TAFA4: variants seen among roughly 807,000 people sequenced by gnomAD.
The protein encoded by TAFA4 is TAFA chemokine like family member 4.
Under a neutral mutation model 21.1 loss-of-function variants are expected in TAFA4, and 20 were observed. The observed-to-expected ratio is 0.95, with a 90% CI of 0.67 to 1.38. The LOEUF (loss-of-function observed/expected upper bound fraction) is 1.38, where lower values mean the gene tolerates loss of function less well. Ranked by LOEUF, TAFA4 falls within the 40% of genes most tolerant of loss-of-function variation. TAFA4 has a pLI of 0.00. For missense variants in TAFA4, 211 were observed against 180.9 expected, an observed-to-expected ratio of 1.17 and a Z score of -0.95; for synonymous variants, 71 against 67.4, an observed-to-expected ratio of 1.05 and a Z score of -0.26.
At chr3:68,772,440 G>C (rs564726172) in intron 3 of TAFA4, among the ~76,000 whole-genome samples, 1 of 152,106 alleles carries the variant, frequency 6.6e-6, no homozygotes, top group Non-Finnish European at 1.5e-5. Context: ...TGGAGGCCCA[G>C]ATAGAACAAA....
intron 3 of TAFA4, among the ~76,000 whole-genome samples, chr3:68,787,921 A>G (rs1463360228): frequency 1.3e-5 from 2 of 152,202 alleles, no homozygotes; most frequent in African/African-American, 4.8e-5. Flanking sequence ...AAAATGTTTT[A>G]GTTGTTAGTA....
rs188079163 is a variant in TAFA4 at position 68,930,320 on chromosome 3, G to A, written c.-123+1920C>T. 1.3e-3 allele frequency among the ~76,000 whole-genome samples: 194 copies of A among 152,312 alleles called. 1 individual carries two copies. The highest frequency in any genetic ancestry group is 4.5e-3 in the African/African-American group (189 of 41,576). On this transcript the variant is annotated intron_variant, in intron 1 of 5. Coordinates refer to ENST00000295569, the MANE Select transcript of TAFA4 (RefSeq NM_182522.5). ...GAGATATTTGTAGGGGTTTTTGTATGTGCTAAGGGAACAAGTAATACAATT... is the reference window on the plus strand; with the variant it reads ...GAGATATTTGTAGGGGTTTTTGTATATGCTAAGGGAACAAGTAATACAATT...
chr3:68,921,270 G>C (rs142244265), intron 1 of TAFA4, among the ~76,000 whole-genome samples: 197 of 152,040 alleles, frequency 1.3e-3, no homozygotes, highest in African/African-American at 4.3e-3. Flanking sequence ...GCTCTGCTTG[G>C]TGGTTGCCAA....
At chr3:68,797,150 T>C (rs925484523) in intron 3 of TAFA4, among the ~76,000 whole-genome samples, 2 of 152,172 alleles carry the variant, frequency 1.3e-5, no homozygotes, top group Admixed American at 6.5e-5. Context: ...CTTCTGGATA[T>C]ATATCCAAAA....
chr3:68,733,302 A>G (rs1282312096), intron 5 of TAFA4, 149 bp from the exon 6 acceptor site: 2 of 1,038,918 alleles, frequency 1.9e-6, no homozygotes, highest in Non-Finnish European at 2.7e-6. Context: ...CAACAGTTCA[A>G]ATTCTGCTTT....
At chr3:68,881,268 G>T (rs1296020725) in intron 2 of TAFA4, among the ~76,000 whole-genome samples, 1 of 152,106 alleles carries the variant, frequency 6.6e-6, no homozygotes, top group Non-Finnish European at 1.5e-5. Context: ...CTTTCTCCTG[G>T]TTTCTCTGAC....
intron 3 of TAFA4, among the ~76,000 whole-genome samples, chr3:68,829,037 G>T (rs1291279190): frequency 6.6e-6 from 1 of 151,790 alleles, no homozygotes; most frequent in African/African-American, 2.4e-5. Flanking sequence ...TCACAGAATT[G>T]GAAAAAACTA....
intron 1 of TAFA4, among the ~76,000 whole-genome samples, chr3:68,903,883 G>A (rs1418126533): frequency 1.3e-5 from 2 of 152,070 alleles, no homozygotes; most frequent in South Asian, 2.1e-4. Context: ...CCTTTGATGC[G>A]CAATATCACA....
intron 3 of TAFA4, among the ~76,000 whole-genome samples, chr3:68,827,155 G>C (rs1352590178): frequency 2.0e-5 from 3 of 150,374 alleles, no homozygotes; most frequent in African/African-American, 7.3e-5. Flanking sequence ...CTGTCCTTGT[G>C]ATATTTTGCT....
At chr3:68,777,520 G>T (rs1159182282) in intron 3 of TAFA4, among the ~76,000 whole-genome samples, 1 of 152,026 alleles carries the variant, frequency 6.6e-6, no homozygotes, top group Non-Finnish European at 1.5e-5. Context: ...GCTACATAGG[G>T]ATAGTGCCTG....
chr3:68,834,223 G>A (rs1704468513), intron 3 of TAFA4, among the ~76,000 whole-genome samples: 2 of 152,120 alleles, frequency 1.3e-5, no homozygotes, highest in African/African-American at 4.8e-5. Context: ...TCTGTTCCAT[G>A]TAGTAAAGAA....
chr3:68,797,775 T>C lies in TAFA4; in HGVS notation c.131-44757A>G, dbSNP rs184826964. ...ATAAAGACAGAAAGTAGAACGGTGG[T>C]TGTCAGAGGCTGAGGGTGACGAATA... On this transcript the variant is annotated intron_variant, in intron 3 of 5. Transcript: ENST00000295569. Among the ~76,000 whole-genome samples the C allele has an allele frequency of 1.2e-4, 18 of 151,936 alleles. No homozygotes were observed. The East Asian group carries it at 3.1e-3, about 26-fold the overall frequency.
chr3:68,870,521 C>A (rs987918409), intron 3 of TAFA4, among the ~76,000 whole-genome samples: 4 of 152,096 alleles, frequency 2.6e-5, no homozygotes, highest in Non-Finnish European at 4.4e-5. Context: ...AGCAGTGGAA[C>A]AGAATACAGA....
At chr3:68,779,760 A>G (rs1260629651) in intron 3 of TAFA4, among the ~76,000 whole-genome samples, 2 of 152,224 alleles carry the variant, frequency 1.3e-5, no homozygotes, top group Non-Finnish European at 2.9e-5. Context: ...GCCCTCATGG[A>G]GAATCTCTGC....
chr3:68,809,030 A>G (rs150436995), intron 3 of TAFA4, among the ~76,000 whole-genome samples: 10 of 152,362 alleles, frequency 6.6e-5, no homozygotes, highest in Non-Finnish European at 1.3e-4. Flanking sequence ...AGCAACTCAC[A>G]TGATCAAACA....
At chr3:68,773,895 C>T (rs1052430523) in intron 3 of TAFA4, among the ~76,000 whole-genome samples, 5 of 152,234 alleles carry the variant, frequency 3.3e-5, no homozygotes, top group East Asian at 3.9e-4. Context: ...TTATAGCAAG[C>T]GTGAGACTTA....
At chr3:68,843,096 A>G (rs779495723) in intron 3 of TAFA4, among the ~76,000 whole-genome samples, 5 of 152,012 alleles carry the variant, frequency 3.3e-5, no homozygotes, top group African/African-American at 4.8e-5. Context: ...TTTGTTGGGG[A>G]TAGCGTTGAA....
chr3:68,894,155 T>C (rs574653431), intron 1 of TAFA4, among the ~76,000 whole-genome samples: 5 of 151,578 alleles, frequency 3.3e-5, no homozygotes, highest in Non-Finnish European at 7.4e-5. Flanking sequence ...CTGTTACTTG[T>C]TACTTTTTTT....
At chr3:68,893,067 G>C (rs974996799) in intron 1 of TAFA4, among the ~76,000 whole-genome samples, 1 of 152,190 alleles carries the variant, frequency 6.6e-6, no homozygotes, top group African/African-American at 2.4e-5. Context: ...CCTTACTGCA[G>C]AGGGTTTATT....
Sources: gnomAD v4.1 joint callset for allele counts (sites outside exome capture counted in the v4.1 genomes callset) on GRCh38, gnomAD v4.1.1 for gene constraint, MANE v1.5 for transcripts, NCBI Gene and HGNC (gene_info 2026-07-23, HGNC 2026-07-21) for gene names.